The following USH2A variants were observed in gnomAD, a reference collection of about 807,000 sequenced individuals.
USH2A encodes usherin.
Under a neutral mutation model 538.9 loss-of-function variants are expected in USH2A, and 443 were observed. That is an observed-to-expected ratio of 0.82 (90% CI 0.76 to 0.89). The LOEUF is 0.89. USH2A is among the 40% of genes least tolerant of loss of function. The pLI is 0.00. For missense variants in USH2A, 6,633 were observed against 6,324.8 expected, an observed-to-expected ratio of 1.05 and a Z score of -1.65; for synonymous variants, 2,413 against 2,273.5, an observed-to-expected ratio of 1.06 and a Z score of -1.75.
chr1:215,772,147 G>A (rs1661310306), intron 55 of USH2A, among the ~76,000 whole-genome samples: 1 of 152,150 alleles, frequency 6.6e-6, no homozygotes, highest in South Asian at 2.1e-4. Flanking sequence ...TCCTTAAAAT[G>A]AGATATATAT....
intron 12 of USH2A, among the ~76,000 whole-genome samples, chr1:216,249,875 TGTGAGA>T (rs1416574757): frequency 6.6e-6 from 1 of 152,026 alleles, no homozygotes; most frequent in African/African-American, 2.4e-5. Context: ...CGTGTGTGTG[TGTGAGA>T]GAGAGAGAGA....
chr1:215,802,747 C>T (rs1207568063), intron 49 of USH2A, among the ~76,000 whole-genome samples: 1 of 152,108 alleles, frequency 6.6e-6, no homozygotes, highest in Non-Finnish European at 1.5e-5. Context: ...CCAGCAATTC[C>T]ACTTCTGGGT....
intron 21 of USH2A, among the ~76,000 whole-genome samples, chr1:216,102,894 A>G (rs2032626452): frequency 6.6e-6 from 1 of 152,156 alleles, no homozygotes; most frequent in African/African-American, 2.4e-5. Context: ...CCCCACCCAA[A>G]TGCATAGGGT....
At chr1:216,219,616 C>T (rs573351057) in intron 14 of USH2A, among the ~76,000 whole-genome samples, 3 of 151,884 alleles carry the variant, frequency 2.0e-5, no homozygotes, top group African/African-American at 7.3e-5. Context: ...AAGAGAAACA[C>T]CAAACTAAGA....
intron 21 of USH2A, among the ~76,000 whole-genome samples, chr1:216,162,723 C>T (rs1350368869): frequency 3.3e-5 from 5 of 151,926 alleles, no homozygotes; most frequent in African/African-American, 4.8e-5. Flanking sequence ...TTTGGAGAGT[C>T]GAGTGAAAGC....
At chr1:216,155,062 A>G (rs1202767030) in intron 21 of USH2A, among the ~76,000 whole-genome samples, 1 of 152,186 alleles carries the variant, frequency 6.6e-6, no homozygotes, top group Non-Finnish European at 1.5e-5. Context: ...TTACAAAATT[A>G]CGACAGTAAG....
At chr1:215,774,896 CT>C (rs965961240) in intron 55 of USH2A, among the ~76,000 whole-genome samples, 14 of 145,148 alleles carry the variant, frequency 9.6e-5, no homozygotes, top group South Asian at 2.2e-4. Context: ...TGATGCCACA[CT>C]TTTTTTTTTC....
intron 37 of USH2A, among the ~76,000 whole-genome samples, chr1:215,953,846 T>C (rs1481859318): frequency 6.6e-6 from 1 of 151,702 alleles, no homozygotes; most frequent in Non-Finnish European, 1.5e-5. Context: ...GAATCTACAA[T>C]GAACTCCAAC....
chr1:215,861,613 C>T (rs2102435261), intron 44 of USH2A, among the ~76,000 whole-genome samples: 1 of 152,184 alleles, frequency 6.6e-6, no homozygotes, highest in Non-Finnish European at 1.5e-5. Flanking sequence ...AGGGGAAGGG[C>T]TAAAAGAGAA....
intron 60 of USH2A, among the ~76,000 whole-genome samples, chr1:215,737,843 G>A (rs972839909): frequency 4.6e-5 from 7 of 151,846 alleles, no homozygotes; most frequent in African/African-American, 1.7e-4. Flanking sequence ...TCACTTATCT[G>A]CTTTGAAAAC....
At chr1:215,642,462 T>A (rs1353042050) in intron 67 of USH2A, among the ~76,000 whole-genome samples, 1 of 152,182 alleles carries the variant, frequency 6.6e-6, no homozygotes, top group Non-Finnish European at 1.5e-5. Flanking sequence ...ACCCTATGGG[T>A]GCTCTCCAGT....
intron 58 of USH2A, among the ~76,000 whole-genome samples, chr1:215,749,947 G>C (rs1457733440): frequency 6.7e-6 from 1 of 149,782 alleles, no homozygotes; most frequent in African/African-American, 2.5e-5. Context: ...GAAAAACCCT[G>C]ATTATCTTTA....
rs564240175 is a variant in USH2A, at chr1:215,675,210, G to A, written c.12701C>T (p.Thr4234Met). 3.3e-5 allele frequency: 53 copies of A among 1,613,770 alleles called. No individual in the cohort carries two copies. Among genetic ancestry groups the A allele is most frequent in the East Asian group, 1.8e-4 (8 of 44,854 alleles). The change falls in exon 63 of 72, where the codon ACG (threonine) becomes ATG (methionine). Residue 4234 changes from threonine (T) to methionine (M), a missense_variant. Thr to Met is a moderately conservative substitution (Grantham distance 81). Coordinates refer to ENST00000307340, the MANE Select transcript of USH2A (RefSeq NM_206933.4). ...AGTGTAGATTTTATATTCACACTGC[G>A]TCCATGGTTGCAAACCTGTGTCATT... is the stretch of plus-strand genomic sequence containing the variant. Reference protein sequence around the residue: ...MYNDTGLQPWTQCEYKIYTWN... With the variant: ...MYNDTGLQPWMQCEYKIYTWN...
intron 21 of USH2A, among the ~76,000 whole-genome samples, chr1:216,107,685 T>TC (rs1491403183): frequency 8.3e-6 from 1 of 120,030 alleles, no homozygotes; most frequent in Non-Finnish European, 1.8e-5. Context: ...ACTTTCTTCT[T>TC]CTTTTTTTTT....
intron 47 of USH2A, among the ~76,000 whole-genome samples, chr1:215,824,013 CTT>C (rs1312122088): frequency 2.0e-5 from 3 of 152,062 alleles, no homozygotes; most frequent in African/African-American, 7.2e-5. Context: ...CTATCACCAT[CTT>C]GTTAGGGTCA....
intron 38 of USH2A, among the ~76,000 whole-genome samples, chr1:215,902,493 C>G (rs1340917118): frequency 6.6e-6 from 1 of 152,142 alleles, no homozygotes; most frequent in African/African-American, 2.4e-5. Context: ...AGACACCACT[C>G]CTGCCCCTAG....
chr1:215,867,330 C>T (rs1664501622), intron 43 of USH2A, among the ~76,000 whole-genome samples, 160 bp from the exon 44 acceptor site: 1 of 152,136 alleles, frequency 6.6e-6, no homozygotes, highest in Non-Finnish European at 1.5e-5. Context: ...TTTTATTTTC[C>T]CTCCTTACAC....
At chr1:216,244,907 T>C (rs75499014) in intron 13 of USH2A, among the ~76,000 whole-genome samples, 3,792 of 152,272 alleles carry the variant, frequency 0.025, 149 homozygotes, top group African/African-American at 0.081. Flanking sequence ...ATTTTAACAA[T>C]TGATAATTAC....
chr1:215,845,464 C>T (rs1404393411), intron 45 of USH2A, among the ~76,000 whole-genome samples: 1 of 152,042 alleles, frequency 6.6e-6, no homozygotes, highest in East Asian at 1.9e-4. Flanking sequence ...AGGGAGGGCT[C>T]TCACTGTGTT....
Sources: allele counts gnomAD v4.1 joint callset (sites outside exome capture counted in the v4.1 genomes callset), GRCh38; gene constraint gnomAD v4.1.1; transcripts MANE v1.5; gene names NCBI Gene and HGNC (gene_info 2026-07-23, HGNC 2026-07-21).